UVRAG: variants seen among roughly 807,000 people sequenced by gnomAD.
The protein encoded by UVRAG is UV radiation resistance-associated gene protein.
A neutral mutation model predicts 78.0 loss-of-function variants in UVRAG; 19 were observed. The observed-to-expected ratio is 0.24, with a 90% confidence interval of 0.17 to 0.36. The LOEUF is 0.36. UVRAG is among the 10% of genes least tolerant of loss of function. UVRAG has a pLI of 1.00. For missense variants in UVRAG, 740 were observed against 853.8 expected (o/e 0.87, Z 1.66); for synonymous variants, 323 against 324.6 (o/e 1.00, Z 0.05).
chr11:76,067,007 T>C (rs1385379423), intron 13 of UVRAG, among the ~76,000 whole-genome samples: 1 of 152,212 alleles, frequency 6.6e-6, no homozygotes, highest in East Asian at 1.9e-4. Flanking sequence ...CATTCCCTTA[T>C]TCATTTCTGA....
At chr11:76,111,809 C>T (rs1952072002) in intron 13 of UVRAG, among the ~76,000 whole-genome samples, 1 of 151,750 alleles carries the variant, frequency 6.6e-6, no homozygotes, top group Admixed American at 6.6e-5. Context: ...TGCCAATGCA[C>T]AGACTTCCTT....
chr11:75,822,874 C>T (rs11605679), intron 1 of UVRAG, among the ~76,000 whole-genome samples: 8,488 of 151,936 alleles, frequency 0.056, 339 homozygotes, highest in Middle Eastern at 0.085. Flanking sequence ...TAGGCATGAT[C>T]AATTATTAAG....
chr11:75,928,300 G>A (rs1000868332), intron 6 of UVRAG, among the ~76,000 whole-genome samples: 3 of 152,176 alleles, frequency 2.0e-5, no homozygotes, highest in African/African-American at 7.2e-5. Flanking sequence ...AGGAAGAATG[G>A]CGTCTATCCC....
intron 6 of UVRAG, among the ~76,000 whole-genome samples, chr11:75,928,177 C>T (rs568400145): frequency 2.0e-5 from 3 of 152,142 alleles, no homozygotes; most frequent in Admixed American, 2.0e-4. Flanking sequence ...AGCTGTGATC[C>T]AGCAATCAGA....
intron 12 of UVRAG, among the ~76,000 whole-genome samples, chr11:76,036,817 G>T (rs1476624386): frequency 6.6e-6 from 1 of 151,154 alleles, no homozygotes; most frequent in Admixed American, 6.6e-5. Flanking sequence ...AGAACATACT[G>T]TGAACAGTTT....
rs147461545 is a variant in UVRAG, at chr11:75,879,934, C to G, written c.326C>G (p.Ser109Cys). 3.6e-5 allele frequency: 58 copies of G among 1,614,094 alleles called. 1 individual carries two copies. Among genetic ancestry groups the G allele is most frequent in the South Asian group, 2.1e-4 (19 of 91,090 alleles). ...FGIMPDRLDT[S>C]VSCFVVKIWG... ...ATTATGCCAGACCGTCTTGATACAT[C>G]TGTGTCTTGTTTCGTGGTGAAGATA... Residue 109 changes from serine to cysteine, a missense_variant, in exon 4 of 15, where the codon TCT (serine) becomes TGT (cysteine). Physicochemically the swap from Ser to Cys is moderately radical, Grantham distance 112. Coordinates refer to ENST00000356136, the MANE Select transcript of UVRAG (RefSeq NM_003369.4).
chr11:75,990,252 T>G (rs960021295), intron 8 of UVRAG, among the ~76,000 whole-genome samples: 12 of 152,312 alleles, frequency 7.9e-5, no homozygotes, highest in Admixed American at 2.0e-4. Flanking sequence ...CAAGCCTACT[T>G]CATTGTTTAC....
intron 6 of UVRAG, among the ~76,000 whole-genome samples, chr11:75,929,475 G>A (rs1948185990): frequency 6.6e-6 from 1 of 152,054 alleles, no homozygotes; most frequent in Admixed American, 6.6e-5. Flanking sequence ...AAACTCCCTG[G>A]AAAAGGACTG....
chr11:75,947,161 A>C (rs992574914), intron 6 of UVRAG, among the ~76,000 whole-genome samples: 1 of 152,112 alleles, frequency 6.6e-6, no homozygotes, highest in Admixed American at 6.6e-5. Context: ...AAGGGTTAGG[A>C]TACTTCAACA....
At chr11:75,884,240 T>TCTCTCTC (rs1555080662) in intron 4 of UVRAG, among the ~76,000 whole-genome samples, 10 of 132,558 alleles carry the variant, frequency 7.5e-5, no homozygotes, top group Middle Eastern at 7.2e-3. Context: ...CTCTCTCTCT[T>TCTCTCTC]TCTCTCTCTC....
At chr11:76,000,089 C>G (rs2135322726) in intron 8 of UVRAG, among the ~76,000 whole-genome samples, 1 of 151,964 alleles carries the variant, frequency 6.6e-6, no homozygotes, top group Non-Finnish European at 1.5e-5. Flanking sequence ...AATACTCAAT[C>G]CAATAGCATT....
chr11:75,937,313 C>T (rs750231439), intron 6 of UVRAG, among the ~76,000 whole-genome samples: 1 of 152,164 alleles, frequency 6.6e-6, no homozygotes, highest in Non-Finnish European at 1.5e-5. Context: ...ACTCCAGCCT[C>T]AGCGACAGAG....
At chr11:76,016,760 T>C (rs889492296) in intron 11 of UVRAG, 55 bp from the exon 12 acceptor site, 75 of 1,400,740 alleles carry the variant, frequency 5.4e-5, no homozygotes, top group Middle Eastern at 1.9e-4. Context: ...TATTATCTTA[T>C]GGTTATTTAT....
intron 13 of UVRAG, among the ~76,000 whole-genome samples, chr11:76,097,021 A>T (rs772967011): frequency 6.6e-6 from 1 of 151,966 alleles, no homozygotes; most frequent in Admixed American, 6.6e-5. Context: ...GAAGCGTGCA[A>T]CCCCTTCTGT....
At chr11:75,848,874 G>A (rs1345332816) in intron 1 of UVRAG, among the ~76,000 whole-genome samples, 1 of 151,952 alleles carries the variant, frequency 6.6e-6, no homozygotes, top group Non-Finnish European at 1.5e-5. Context: ...TTTTATATTT[G>A]GTTACTTAGA....
At chr11:75,918,729 A>G (rs1441168302) in intron 6 of UVRAG, among the ~76,000 whole-genome samples, 1 of 152,176 alleles carries the variant, frequency 6.6e-6, no homozygotes, top group African/African-American at 2.4e-5. Flanking sequence ...ATATATGTTA[A>G]ACAGATAATA....
At chr11:76,084,140 A>C in intron 13 of UVRAG, among the ~76,000 whole-genome samples, 1 of 152,148 alleles carries the variant, frequency 6.6e-6, no homozygotes, top group Admixed American at 6.5e-5. Context: ...TAGTAATTCC[A>C]CTCAGACATC....
intron 12 of UVRAG, among the ~76,000 whole-genome samples, chr11:76,025,958 G>A (rs1367847696): frequency 6.6e-6 from 1 of 152,064 alleles, no homozygotes; most frequent in African/African-American, 2.4e-5. Context: ...GGACCTTCCC[G>A]TTCTGCATAG....
intron 12 of UVRAG, among the ~76,000 whole-genome samples, chr11:76,031,482 T>C (rs1950437159): frequency 6.6e-6 from 1 of 152,220 alleles, no homozygotes. Context: ...GTGTTGTTTT[T>C]AATGAAGTGT....
Sources: gnomAD v4.1 joint callset for allele counts (sites outside exome capture counted in the v4.1 genomes callset) on GRCh38, gnomAD v4.1.1 for gene constraint, MANE v1.5 for transcripts, NCBI Gene and HGNC (gene_info 2026-07-23, HGNC 2026-07-21) for gene names.